The following TRIM22 variants were observed in gnomAD, a reference collection of about 807,000 sequenced individuals.
The protein encoded by TRIM22 is tripartite motif containing 22.
A neutral mutation model predicts 53.6 loss-of-function variants in TRIM22; 45 were observed. That is an observed-to-expected ratio of 0.84 (90% CI 0.66 to 1.08). The LOEUF is 1.08. Ranked by LOEUF, TRIM22 falls within the 50% of genes least tolerant of loss-of-function variation. The pLI is 0.00. For missense variants in TRIM22, 616 were observed against 590.9 expected, an observed-to-expected ratio of 1.04 and a Z score of -0.44; for synonymous variants, 225 against 216.6, an observed-to-expected ratio of 1.04 and a Z score of -0.34.
In TRIM22 at chr11:5,696,616, C is replaced by A; in HGVS notation, c.384C>A (p.His128Gln). Reference protein sequence around the residue: ...VCELSQEHQGHQTFRINEVVK... With the variant: ...VCELSQEHQGQQTFRINEVVK... ...AACTGTCTCAGGAACACCAAGGTCACCAAACATTCCGCATAAACGAGGTGG... is the reference window on the plus strand; with the variant it reads ...AACTGTCTCAGGAACACCAAGGTCAACAAACATTCCGCATAAACGAGGTGG... Residue 128 changes from histidine (H) to glutamine (Q), a missense_variant, in exon 2 of 8, where the codon CAC becomes CAA. Physicochemically the swap from His to Gln is conservative, Grantham distance 24. Coordinates refer to ENST00000379965, the MANE Select transcript of TRIM22 (RefSeq NM_006074.5). 2 of 1,613,304 alleles carry A rather than the reference C, an allele frequency of 1.2e-6. No individual in the cohort carries two copies. Among genetic ancestry groups the A allele is most frequent in the Non-Finnish European group, 1.7e-6 (2 of 1,179,994 alleles).
intron 1 of TRIM22, among the ~76,000 whole-genome samples, chr11:5,694,010 T>C (rs1853218960): frequency 6.6e-6 from 1 of 152,224 alleles, no homozygotes; most frequent in Admixed American, 6.5e-5. Context: ...CCCTGATCTC[T>C]GCTTTCTTCT....
At chr11:5,702,688 C>G (rs182162878) in intron 4 of TRIM22, among the ~76,000 whole-genome samples, 2 of 152,056 alleles carry the variant, frequency 1.3e-5, no homozygotes, top group East Asian at 3.9e-4. Flanking sequence ...GATATTATTA[C>G]TTTAAGCCAT....
chr11:5,698,314 G>T lies in TRIM22; in HGVS notation c.520-1G>T. Reference sequence around the variant, plus strand: ...TGCCTCTTTCTCTTTTCATTCCCAAGAATTATATCCAGATCGAGAGACAGA... The same window carrying T: ...TGCCTCTTTCTCTTTTCATTCCCAATAATTATATCCAGATCGAGAGACAGA... On this transcript the variant is annotated splice_acceptor_variant, in intron 3 of 7. Transcript: ENST00000379965. LOFTEE classifies it high-confidence loss of function. 1.2e-6 allele frequency: 2 copies of T among 1,613,376 alleles called. No individual in the cohort carries two copies. Among genetic ancestry groups the T allele is most frequent in the Non-Finnish European group, 1.7e-6 (2 of 1,179,406 alleles).
At chr11:5,707,560 A>G (rs1275954398) in intron 5 of TRIM22, among the ~76,000 whole-genome samples, 1 of 152,206 alleles carries the variant, frequency 6.6e-6, no homozygotes, top group Non-Finnish European at 1.5e-5. Flanking sequence ...CTACAATGCT[A>G]GCACTTTGGG....
intron 1 of TRIM22, among the ~76,000 whole-genome samples, chr11:5,692,785 C>A (rs1853192517): frequency 1.0e-5 from 1 of 99,798 alleles, no homozygotes; most frequent in African/African-American, 3.3e-5. Flanking sequence ...CGCAGTGAGA[C>A]CTTGTCTCAA....
At chr11:5,691,617 C>G (rs6578679) in intron 1 of TRIM22, among the ~76,000 whole-genome samples, 48,106 of 152,054 alleles carry the variant, frequency 0.32, 7,672 homozygotes, top group South Asian at 0.43. Flanking sequence ...ACCCAATGAA[C>G]CTCTGGTATC....
At chr11:5,699,263 G>A (rs1354001982) in intron 4 of TRIM22, among the ~76,000 whole-genome samples, 3 of 149,068 alleles carry the variant, frequency 2.0e-5, no homozygotes, top group Admixed American at 6.6e-5. Context: ...GGTGGCTCAC[G>A]CCTGTAATCC....
Position 5,708,584 on chromosome 11 carries a change from A to T in TRIM22, c.882A>T (p.Thr294=), listed in dbSNP as rs769990292. The change falls in exon 7 of 8, where the codon ACA becomes ACT. Residue 294 remains threonine (T), a synonymous_variant. Coordinates refer to ENST00000379965, the MANE Select transcript of TRIM22 (RefSeq NM_006074.5). ...AAACTTTTGTCGTTTCAGAGCTGAC[A>T]GATGTCCAGTACTACTGGGGTAAGA... ...SGMLQVLKEL[T]DVQYYWVDVM... is the part of the protein sequence containing the mutation. 43 of 1,605,372 alleles carry T rather than the reference A, an allele frequency of 2.7e-5. No individual in the cohort carries two copies. The highest frequency in any genetic ancestry group is 9.0e-5 in the South Asian group (8 of 89,146).
At chr11:5,692,108 G>A (rs1366260069) in intron 1 of TRIM22, among the ~76,000 whole-genome samples, 5 of 152,164 alleles carry the variant, frequency 3.3e-5, no homozygotes, top group African/African-American at 1.2e-4. Context: ...GGAAAAGGAA[G>A]TAAACACGCA....
At chr11:5,703,762 G>C (rs566347746) in intron 4 of TRIM22, among the ~76,000 whole-genome samples, 1 of 152,048 alleles carries the variant, frequency 6.6e-6, no homozygotes, top group Non-Finnish European at 1.5e-5. Flanking sequence ...TACTATTGAT[G>C]GATACCTGGG....
chr11:5,708,318 T>A (rs775210746), intron 6 of TRIM22, 45 bp downstream of exon 6: 6 of 1,559,548 alleles, frequency 3.8e-6, no homozygotes, highest in Non-Finnish European at 5.3e-6. Context: ...TTTCTTAGTA[T>A]CAGGGCTCAA....
At chr11:5,700,545 C>T (rs1019726304) in intron 4 of TRIM22, among the ~76,000 whole-genome samples, 3 of 143,074 alleles carry the variant, frequency 2.1e-5, no homozygotes, top group African/African-American at 7.9e-5. Flanking sequence ...GGAAAGTACT[C>T]AGTCTCTCAC....
In TRIM22 at chr11:5,709,159, ATGTGATTTTTCTGCT is replaced by A; in HGVS notation, c.1010_1024del (p.Cys337_Ala341del). ...CCTGCACATTTAAGAATTCAAATCC[ATGTGATTTTTCTGCT>A]TTTGGTGTCTTCGGCTGCCAATATT... On this transcript the variant is annotated inframe_deletion, in exon 8 of 8. Transcript: ENST00000379965. 1 of 1,614,152 alleles carries A rather than the reference ATGTGATTTTTCTGCT, an allele frequency of 6.2e-7. No individual in the cohort carries two copies. The highest frequency in any genetic ancestry group is 8.5e-7 in the Non-Finnish European group (1 of 1,180,028).
chr11:5,693,074 A>G (rs889754462), intron 1 of TRIM22, among the ~76,000 whole-genome samples: 1 of 151,332 alleles, frequency 6.6e-6, no homozygotes, highest in South Asian at 2.1e-4. Context: ...TTTAGTAGAT[A>G]CGGGGTCTCA....
intron 3 of TRIM22, 166 bp from the exon 4 acceptor site, chr11:5,698,149 A>G (rs1590314204): frequency 1.6e-6 from 1 of 615,100 alleles, no homozygotes; most frequent in Non-Finnish European, 2.9e-6. Flanking sequence ...GCTCAGGTTA[A>G]AAAGTAGAAA....
Position 5,709,422 on chromosome 11 carries a change from C to CCTCCTCTTCT in TRIM22, c.1272_1281dup (p.Asp428LeufsTer4). The CCTCCTCTTCT allele has an allele frequency of 8.7e-6, 14 of 1,614,118 alleles. No homozygotes were observed. The highest frequency in any genetic ancestry group is 1.2e-5 in the Non-Finnish European group (14 of 1,180,000). On this transcript the variant is annotated frameshift_variant, in exon 8 of 8. Transcript: ENST00000379965. LOFTEE classifies it high-confidence loss of function. ...TGTGAATATAATGCTTTTGAGGACTCCTCCTCTTCTGATCCCAAGGTTTTG... is the reference window on the plus strand; with the variant it reads ...TGTGAATATAATGCTTTTGAGGACTCCTCCTCTTCTCTCCTCTTCTGATCCCAAGGTTTTG...
Position 5,696,738 on chromosome 11 carries a change from T to C in TRIM22, c.423+83T>C. 2.8e-6 allele frequency: 4 copies of C among 1,424,202 alleles called. No homozygotes were observed. In the South Asian group the frequency reaches 4.1e-5, roughly 15 times the overall value. 88.2% of individuals were successfully genotyped at this position (1,424,202 alleles called of 1,614,324 possible). On this transcript the variant is annotated intron_variant, in intron 2 of 7. Transcript: ENST00000379965. ...AATCTCCACTTTTTTTGTCCTGCTT[T>C]ATTCCCCTTGTCACCATAGAACGGA...
intron 4 of TRIM22, among the ~76,000 whole-genome samples, chr11:5,699,091 T>C (rs1853320209): frequency 6.6e-6 from 1 of 152,256 alleles, no homozygotes; most frequent in Admixed American, 6.5e-5. Context: ...ATATATCATA[T>C]TATGTTTATG....
chr11:5,697,145 A>C, intron 2 of TRIM22, 103 bp from the exon 3 acceptor site: 2 of 793,298 alleles, frequency 2.5e-6, no homozygotes, highest in Non-Finnish European at 4.0e-6. Context: ...CTGTTTCTGT[A>C]AACTAGTTTC....
Sources: gnomAD v4.1 joint callset for allele counts (sites outside exome capture counted in the v4.1 genomes callset) on GRCh38, gnomAD v4.1.1 for gene constraint, MANE v1.5 for transcripts, NCBI Gene and HGNC (gene_info 2026-07-23, HGNC 2026-07-21) for gene names.